Variants in C10orf67 observed in about 807,000 individuals in gnomAD.
C10orf67 encodes the protein chromosome 10 open reading frame 67.
A neutral mutation model predicts 35.6 loss-of-function variants in C10orf67; 60 were observed. The observed-to-expected ratio is 1.68, with a 90% CI of 1.37 to 2.09. The LOEUF (loss-of-function observed/expected upper bound fraction) is 2.09, where lower values mean the gene tolerates loss of function less well. Ranked by LOEUF, C10orf67 falls within the 30% of genes most tolerant of loss-of-function variation. C10orf67 has a pLI of 0.00. For synonymous variants in C10orf67, 167 were observed against 115.8 expected (o/e 1.44, Z -2.84); for missense variants, 474 against 330.2 (o/e 1.44, Z -3.38).
chr10:23,318,957 T>C, intron 4 of C10orf67: 1 of 762,866 alleles, frequency 1.3e-6, no homozygotes, highest in South Asian at 1.4e-5. Flanking sequence ...ACATAAAATG[T>C]CAAGCAAAGA....
intron 2 of C10orf67, among the ~76,000 whole-genome samples, chr10:23,329,145 T>C (rs548562327): frequency 1.3e-5 from 2 of 151,786 alleles, no homozygotes; most frequent in East Asian, 3.9e-4. Flanking sequence ...ATCCTAAAAT[T>C]GAGTGTCTGA....
At chr10:23,272,343 ATCCATT>A (rs1452501189) in intron 8 of C10orf67, among the ~76,000 whole-genome samples, 1 of 152,238 alleles carries the variant, frequency 6.6e-6, no homozygotes, top group Non-Finnish European at 1.5e-5. Flanking sequence ...TACAATTCTG[ATCCATT>A]TCAAGTTAAC....
chr10:23,226,008 C>A (rs1841731481), intron 13 of C10orf67, among the ~76,000 whole-genome samples: 1 of 152,240 alleles, frequency 6.6e-6, no homozygotes, highest in Middle Eastern at 3.4e-3. Flanking sequence ...TAACACCCCA[C>A]TGTCAACATT....
rs981109686 is a variant in C10orf67 at position 23,258,212 on chromosome 10, T to C, written c.1201-7521A>G. Reference sequence around the variant, plus strand: ...CAACTATAGCTGTGTCAGCGTGTGATGATGCCATCCCACACCAATCTGGCT... The same window carrying C: ...CAACTATAGCTGTGTCAGCGTGTGACGATGCCATCCCACACCAATCTGGCT... On this transcript the variant is annotated intron_variant, in intron 10 of 15. Transcript: ENST00000636213. 2.5e-5 allele frequency: 4 copies of C among 161,040 alleles called. No homozygotes were observed. In the South Asian group the frequency reaches 6.7e-4, roughly 27 times the overall value. 10.0% of individuals were successfully genotyped at this position (161,040 alleles called of 1,614,324 possible).
intron 5 of C10orf67, among the ~76,000 whole-genome samples, chr10:23,300,859 G>A (rs1163529817): frequency 3.9e-5 from 6 of 152,138 alleles, no homozygotes; most frequent in Non-Finnish European, 7.4e-5. Flanking sequence ...AACTGACTGA[G>A]ATACCAGAGA....
chr10:23,244,046 G>A (rs931414977), intron 12 of C10orf67, among the ~76,000 whole-genome samples: 3 of 151,938 alleles, frequency 2.0e-5, no homozygotes, highest in South Asian at 2.1e-4. Flanking sequence ...TGCATGCCAC[G>A]ACACCCAGCT....
chr10:23,204,278 A>T, intron 15 of C10orf67, 23 bp from the exon 16 acceptor site: 1 of 605,912 alleles, frequency 1.7e-6, no homozygotes, highest in East Asian at 3.1e-5. Context: ...AAAGGTGGAC[A>T]GACATAAACT....
At chr10:23,217,060 T>C (rs1420130367) in intron 15 of C10orf67, among the ~76,000 whole-genome samples, 1 of 152,222 alleles carries the variant, frequency 6.6e-6, no homozygotes, top group Non-Finnish European at 1.5e-5. Context: ...TATTTCATCA[T>C]TTTTGGATGA....
intron 15 of C10orf67, among the ~76,000 whole-genome samples, chr10:23,210,584 T>A (rs1308283631): frequency 1.3e-5 from 2 of 152,062 alleles, no homozygotes; most frequent in African/African-American, 4.8e-5. Flanking sequence ...CATGGCCAGC[T>A]AATTTTTGTA....
chr10:23,250,436 T>C lies in C10orf67; in HGVS notation c.1346+19A>G. 1 of 398,526 alleles carries C rather than the reference T, an allele frequency of 2.5e-6. No homozygotes were observed. Among genetic ancestry groups the C allele is most frequent in the Non-Finnish European group, 4.4e-6 (1 of 225,790 alleles). 24.7% of individuals were successfully genotyped at this position (398,526 alleles called of 1,614,324 possible). A position where few individuals can be genotyped will look rare whatever the true frequency, so the allele number is the denominator to read the frequency against. On this transcript the variant is annotated intron_variant, in intron 12 of 15. Coordinates refer to ENST00000636213, the MANE Select transcript of C10orf67 (RefSeq NM_001371909.1). ...TAGTCATGTTTTTAGAAATAGAATTTGTATATTTCACACCATACCTGTTCC... is the reference window on the plus strand; with the variant it reads ...TAGTCATGTTTTTAGAAATAGAATTCGTATATTTCACACCATACCTGTTCC...
intron 8 of C10orf67, among the ~76,000 whole-genome samples, chr10:23,269,736 C>G (rs190156700): frequency 1.6e-4 from 24 of 151,598 alleles, no homozygotes; most frequent in Non-Finnish European, 7.4e-5. Context: ...GGAGAAAATG[C>G]ATTTATATCT....
intron 4 of C10orf67, among the ~76,000 whole-genome samples, chr10:23,304,975 C>T (rs955752952): frequency 1.3e-5 from 2 of 152,150 alleles, no homozygotes; most frequent in African/African-American, 2.4e-5. Flanking sequence ...GCAGCAGCCA[C>T]GTAACTCGGC....
At chr10:23,214,193 A>C (rs1325463624) in intron 15 of C10orf67, among the ~76,000 whole-genome samples, 1 of 152,128 alleles carries the variant, frequency 6.6e-6, no homozygotes, top group Non-Finnish European at 1.5e-5. Context: ...AATTACTAAC[A>C]GAAACTAATC....
intron 8 of C10orf67, among the ~76,000 whole-genome samples, chr10:23,277,754 TG>T (rs1215052825): frequency 6.6e-6 from 1 of 152,212 alleles, no homozygotes; most frequent in Non-Finnish European, 1.5e-5. Context: ...CTTTCATATA[TG>T]GTAAATATCA....
At chr10:23,228,253 T>C (rs1394052244) in intron 13 of C10orf67, among the ~76,000 whole-genome samples, 6 of 152,040 alleles carry the variant, frequency 3.9e-5, no homozygotes, top group African/African-American at 1.5e-4. Context: ...TATAGACCAA[T>C]GGAACAGAAT....
intron 15 of C10orf67, among the ~76,000 whole-genome samples, chr10:23,214,961 T>A (rs2132092157): frequency 6.6e-6 from 1 of 152,292 alleles, no homozygotes; most frequent in East Asian, 1.9e-4. Context: ...AGGCGGAGAT[T>A]GCAGTGAGCT....
chr10:23,277,237 A>C (rs575385633), intron 8 of C10orf67, among the ~76,000 whole-genome samples: 1 of 152,286 alleles, frequency 6.6e-6, no homozygotes, highest in African/African-American at 2.4e-5. Context: ...ATTTTCCAGG[A>C]AGCCAAATAC....
intron 8 of C10orf67, among the ~76,000 whole-genome samples, chr10:23,281,250 G>T (rs1843355420): frequency 6.6e-6 from 1 of 152,102 alleles, no homozygotes; most frequent in Non-Finnish European, 1.5e-5. Flanking sequence ...ACAGAGTTAG[G>T]GAAACAGTCA....
intron 5 of C10orf67, 30 bp downstream of exon 5, chr10:23,303,274 A>G: frequency 2.0e-6 from 1 of 496,714 alleles, no homozygotes; most frequent in Non-Finnish European, 3.6e-6. Flanking sequence ...ATGTATATTA[A>G]AATTAATTAT....
Sources: gnomAD v4.1 joint callset for allele counts (sites outside exome capture counted in the v4.1 genomes callset) on GRCh38, gnomAD v4.1.1 for gene constraint, MANE v1.5 for transcripts, NCBI Gene and HGNC (gene_info 2026-07-23, HGNC 2026-07-21) for gene names.